The following PCDHA6 variants were observed in gnomAD, a reference collection of about 807,000 sequenced individuals.
The protein encoded by PCDHA6 is protocadherin alpha 6.
In PCDHA6, 55 loss-of-function variants were observed where a neutral mutation model predicts 60.3. That is an observed-to-expected ratio of 0.91 (90% confidence interval 0.73 to 1.14). The LOEUF is 1.14. Among genes scored for constraint, PCDHA6 ranks in the 50% most tolerant of loss-of-function variants. PCDHA6 has a pLI of 0.00. For synonymous variants in PCDHA6, 652 were observed against 557.9 expected, an observed-to-expected ratio of 1.17 and a Z score of -2.38; for missense variants, 1,327 against 1,256.5, an observed-to-expected ratio of 1.06 and a Z score of -0.85.
chr5:140,916,956 C>T (rs1554197714), intron 1 of PCDHA6, among the ~76,000 whole-genome samples: 1 of 152,220 alleles, frequency 6.6e-6, no homozygotes, highest in Non-Finnish European at 1.5e-5. Flanking sequence ...TTGCTGAGTT[C>T]TGACTGCTGG....
intron 1 of PCDHA6, among the ~76,000 whole-genome samples, chr5:140,885,206 A>G (rs1304868227): frequency 1.3e-5 from 2 of 152,038 alleles, no homozygotes; most frequent in Non-Finnish European, 2.9e-5. Context: ...CATATATCCC[A>G]TGAAAAATAT....
rs2150171789 is a variant in PCDHA6 at position 140,829,633 on chromosome 5, C to A, written c.1542C>A (p.Ser514Arg). The change falls in exon 1 of 4, where the codon AGC (serine) becomes AGA (arginine). Residue 514 changes from serine to arginine, a missense_variant. By Grantham distance (110) the Ser-to-Arg change is moderately radical. Coordinates refer to ENST00000529310, the MANE Select transcript of PCDHA6 (RefSeq NM_018909.4). ...LSSYISVHAESGKVYALQPLD... is the reference protein window; with the variant it reads ...LSSYISVHAERGKVYALQPLD... ...GCTACATTTCGGTGCACGCGGAGAG[C>A]GGCAAGGTGTACGCGCTGCAGCCGC... 1.7e-5 allele frequency: 27 copies of A among 1,612,154 alleles called. No individual in the cohort carries two copies. The highest frequency in any genetic ancestry group is 1.1e-5 in the South Asian group (1 of 91,020).
rs782173510 is a variant in PCDHA6 at position 140,829,328 on chromosome 5, C to A, written c.1237C>A (p.Leu413Met). ...NYYSLVLDSA[L>M]DRESVSAYEL... ...CTACTCGTTGGTGCTGGACAGTGCC[C>A]TGGACCGCGAGAGCGTGTCGGCCTA... The change falls in exon 1 of 4, where the codon CTG becomes ATG. Residue 413 changes from leucine (L) to methionine (M), a missense_variant. By Grantham distance (15) the Leu-to-Met change is conservative (BLOSUM62 2). Coordinates refer to ENST00000529310, the MANE Select transcript of PCDHA6 (RefSeq NM_018909.4). 1 of 1,614,244 alleles carries A rather than the reference C, an allele frequency of 6.2e-7. No homozygotes were observed. Among genetic ancestry groups the A allele is most frequent in the East Asian group, 2.2e-5 (1 of 44,884 alleles).
intron 1 of PCDHA6, chr5:140,929,053 T>C (rs781847457): frequency 6.2e-7 from 1 of 1,614,182 alleles, no homozygotes; most frequent in Non-Finnish European, 8.5e-7. Flanking sequence ...CTGCTGTCGC[T>C]CTACAGAGGA....
Position 140,857,340 on chromosome 5 carries a change from C to T in PCDHA6, c.2394+26855C>T, listed in dbSNP as rs782392001. ...GTGGTGACCGCGCGGGACGGGGGCTCGCCTCCGCTGTGGGCCACGGCCAGC... is the reference window on the plus strand; with the variant it reads ...GTGGTGACCGCGCGGGACGGGGGCTTGCCTCCGCTGTGGGCCACGGCCAGC... On this transcript the variant is annotated intron_variant, in intron 1 of 3. Coordinates refer to ENST00000529310, the MANE Select transcript of PCDHA6 (RefSeq NM_018909.4). 2.5e-6 allele frequency: 4 copies of T among 1,598,236 alleles called. 1 individual carries two copies. Among genetic ancestry groups the T allele is most frequent in the Non-Finnish European group, 2.6e-6 (3 of 1,167,864 alleles).
intron 1 of PCDHA6, among the ~76,000 whole-genome samples, chr5:140,943,548 G>A (rs1280986902): frequency 6.6e-6 from 1 of 152,152 alleles, no homozygotes; most frequent in African/African-American, 2.4e-5. Context: ...GTAAATAGAC[G>A]TAGACAATAA....
At position 140,929,044 on chromosome 5, in the gene PCDHA6, T is replaced by C. The variant is rs17844369; in HGVS notation, c.2395-49905T>C. ...GAGCCCAGGCTGTTGCGCTCAGAGC[T>C]GCTGTCGCTCTACAGAGGATCTGAG... On this transcript the variant is annotated intron_variant, in intron 1 of 3. Coordinates refer to ENST00000529310, the MANE Select transcript of PCDHA6 (RefSeq NM_018909.4). 7 of 1,614,100 alleles carry C rather than the reference T, an allele frequency of 4.3e-6. No individual in the cohort carries two copies. The East Asian group carries it at 1.6e-4, about 36-fold the overall frequency.
intron 1 of PCDHA6, chr5:140,834,548 G>T (rs1264423031): frequency 1.2e-6 from 2 of 1,613,978 alleles, no homozygotes; most frequent in African/African-American, 2.7e-5. Context: ...TGGGGCTGGA[G>T]CTGGCGGAGC....
chr5:140,982,696 A>G lies in PCDHA6; in HGVS notation c.2542+133A>G. ...GTTATTCCCTTTTTTCCATACATAC[A>G]TGATTTCCTTACATATATGATTATT... On this transcript the variant is annotated intron_variant, in intron 3 of 3. Transcript: ENST00000529310. 2.9e-6 allele frequency: 4 copies of G among 1,397,036 alleles called. No individual in the cohort carries two copies. The East Asian group carries it at 7.6e-5, about 27-fold the overall frequency. 86.5% of individuals were successfully genotyped at this position (1,397,036 alleles called of 1,614,324 possible). A position where few individuals can be genotyped will look rare whatever the true frequency, so the allele number is the denominator to read the frequency against.
At chr5:140,966,831 G>A in intron 1 of PCDHA6, 1 of 1,563,110 alleles carries the variant, frequency 6.4e-7, no homozygotes, top group Non-Finnish European at 8.6e-7. Flanking sequence ...CCCATGCCCT[G>A]GCTGCTGCTA....
intron 3 of PCDHA6, among the ~76,000 whole-genome samples, chr5:141,004,084 T>C (rs2098151963): frequency 6.6e-6 from 1 of 152,234 alleles, no homozygotes; most frequent in Non-Finnish European, 1.5e-5. Context: ...GGTAGAAATG[T>C]GCTTCTTCCG....
chr5:140,926,742 C>G (rs1454782151), intron 1 of PCDHA6: 2 of 1,199,338 alleles, frequency 1.7e-6, no homozygotes, highest in East Asian at 5.8e-5. Context: ...GGAGGCGCAA[C>G]GTCGGCGGTC....
rs1203554709 is a variant in PCDHA6 at position 140,835,098 on chromosome 5, GC to G, written c.2394+4617del. On this transcript the variant is annotated intron_variant, in intron 1 of 3. Coordinates refer to ENST00000529310, the MANE Select transcript of PCDHA6 (RefSeq NM_018909.4). Reference sequence around the variant, plus strand: ...CACGGTACTGGACAACAATGACAATGCCCCAGTGTTCGACAGAACCCTGTAT... The same window carrying G: ...CACGGTACTGGACAACAATGACAATGCCCAGTGTTCGACAGAACCCTGTAT... 6.4e-6 allele frequency: 8 copies of G among 1,244,734 alleles called. No individual in the cohort carries two copies. In the East Asian group the frequency reaches 1.8e-4, roughly 28 times the overall value. 77.1% of individuals were successfully genotyped at this position (1,244,734 alleles called of 1,614,324 possible).
rs1474245483 is a variant in PCDHA6, at chr5:140,946,429, A to C, written c.2395-32520A>C. Reference sequence around the variant, plus strand: ...ATAGAAAACAATATGGAGGTTACTCAAAAATTGAGACTAAAACAACTATCC... The same window carrying C: ...ATAGAAAACAATATGGAGGTTACTCCAAAATTGAGACTAAAACAACTATCC... On this transcript the variant is annotated intron_variant, in intron 1 of 3. Coordinates refer to ENST00000529310, the MANE Select transcript of PCDHA6 (RefSeq NM_018909.4). 2.0e-5 allele frequency among the ~76,000 whole-genome samples: 3 copies of C among 151,826 alleles called. No homozygotes were observed. In the East Asian group the frequency reaches 5.8e-4, roughly 29 times the overall value.
intron 1 of PCDHA6, among the ~76,000 whole-genome samples, chr5:140,912,449 A>G (rs2075925716): frequency 6.6e-6 from 1 of 151,398 alleles, no homozygotes; most frequent in South Asian, 2.1e-4. Flanking sequence ...GTGTGCATTG[A>G]TTTTGTATCC....
intron 1 of PCDHA6, chr5:140,843,398 C>T (rs2150359248): frequency 2.5e-6 from 4 of 1,595,994 alleles, no homozygotes; most frequent in African/African-American, 2.7e-5. Flanking sequence ...GGAAGCGGCG[C>T]TGGTGGATGT....
At chr5:140,863,608 T>C (rs548888922) in intron 1 of PCDHA6, 1 of 349,702 alleles carries the variant, frequency 2.9e-6, no homozygotes, top group Non-Finnish European at 5.6e-6. Flanking sequence ...CCTATTAATG[T>C]CCCTCATAGT....
chr5:140,980,981 A>G (rs1255751936), intron 2 of PCDHA6, among the ~76,000 whole-genome samples: 1 of 152,188 alleles, frequency 6.6e-6, no homozygotes, highest in Non-Finnish European at 1.5e-5. Context: ...GACTGAGCCC[A>G]CACAATTTGC....
intron 1 of PCDHA6, among the ~76,000 whole-genome samples, chr5:140,847,064 A>G (rs1159869188): frequency 1.3e-5 from 2 of 149,866 alleles, no homozygotes; most frequent in Non-Finnish European, 3.0e-5. Flanking sequence ...AGAAAGCATC[A>G]ATATGACAAG....
Sources: allele counts gnomAD v4.1 joint callset (sites outside exome capture counted in the v4.1 genomes callset), GRCh38; gene constraint gnomAD v4.1.1; transcripts MANE v1.5; gene names NCBI Gene and HGNC (gene_info 2026-07-23, HGNC 2026-07-21).